Variants in TENM3 observed in about 807,000 individuals in gnomAD.
TENM3 encodes teneurin transmembrane protein 3, also known as teneurin-3.
In TENM3, 63 loss-of-function variants were observed where a neutral mutation model predicts 255.1. The ratio of observed to expected loss-of-function variants is 0.25; its 90% CI spans 0.20 to 0.30. The LOEUF is 0.30. TENM3 is among the 10% of genes least tolerant of loss of function. TENM3 has a pLI of 1.00. For synonymous variants in TENM3, 1,306 were observed against 1,322.3 expected, an observed-to-expected ratio of 0.99 and a Z score of 0.27; for missense variants, 2,929 against 3,461.1, an observed-to-expected ratio of 0.85 and a Z score of 3.86.
At chr4:182,410,262 G>A (rs1769892967) in intron 3 of TENM3, among the ~76,000 whole-genome samples, 1 of 152,238 alleles carries the variant, frequency 6.6e-6, no homozygotes, top group South Asian at 2.1e-4. Flanking sequence ...TGGTAATGTG[G>A]TTAAGTGTAT....
the TENM3 span, among the ~76,000 whole-genome samples, chr4:181,643,671 A>G: frequency 5.3e-5 from 8 of 152,190 alleles, no homozygotes; most frequent in Admixed American, 5.2e-4. Flanking sequence ...GTCAAGGGTC[A>G]ATAATTACAA....
intron 12 of TENM3, among the ~76,000 whole-genome samples, chr4:182,705,984 G>A (rs530573715): frequency 3.9e-5 from 6 of 152,078 alleles, no homozygotes; most frequent in Non-Finnish European, 5.9e-5. Flanking sequence ...TTTATGAAGC[G>A]GTGTCATCAG....
At chr4:182,346,612 T>C (rs1764829127) in intron 2 of TENM3, 39 bp from the exon 3 acceptor site, 2 of 1,533,224 alleles carry the variant, frequency 1.3e-6, no homozygotes, top group Non-Finnish European at 1.8e-6. Flanking sequence ...ACACTGAACA[T>C]ATACTCACTA....
chr4:182,155,556 G>A (rs1364822702), intron 1 of TENM3, among the ~76,000 whole-genome samples: 1 of 151,992 alleles, frequency 6.6e-6, no homozygotes, highest in African/African-American at 2.4e-5. Flanking sequence ...ATTATTGAAG[G>A]CTTCATCAAG....
chr4:182,679,854 G>C lies in TENM3; in HGVS notation c.1515G>C (p.Val505=). 1 of 1,611,648 alleles carries C rather than the reference G, an allele frequency of 6.2e-7. No individual in the cohort carries two copies. The highest frequency in any genetic ancestry group is 8.5e-7 in the Non-Finnish European group (1 of 1,178,670). ...ATGATGGGAAAAATGCAGAGCAGGT[G>C]TCTTTTAATACCATTGTTATAGGTA... The part of the protein sequence containing the change: ...FYNDGKNAEQ[V]SFNTIVIESV... The change falls in exon 8 of 28, where the codon GTG becomes GTC. Residue 505 remains valine (V), a synonymous_variant. Coordinates refer to ENST00000511685, the MANE Select transcript of TENM3 (RefSeq NM_001080477.4).
chr4:181,922,688 C>A, the TENM3 span, among the ~76,000 whole-genome samples: 1 of 151,814 alleles, frequency 6.6e-6, no homozygotes, highest in Non-Finnish European at 1.5e-5. Flanking sequence ...AAAACCAGCT[C>A]CTGGATTCAT....
intron 3 of TENM3, among the ~76,000 whole-genome samples, chr4:182,552,288 G>GA (rs932987551): frequency 7.9e-5 from 12 of 152,028 alleles, no homozygotes; most frequent in Admixed American, 3.9e-4. Flanking sequence ...CTCTACAAAA[G>GA]AAAAAAAGTT....
At position 182,370,420 on chromosome 4, in the gene TENM3, T is replaced by C. The variant is rs73869954; in HGVS notation, c.511+23491T>C. The stretch of plus-strand genomic sequence containing the variant: ...TGGTATTCAGGAAGAAATTTTTTGA[T>C]GAATACCTTACCATACCTAGCAAGC... On this transcript the variant is annotated intron_variant, in intron 3 of 27. Transcript: ENST00000511685. Among the ~76,000 whole-genome samples, 806 of 152,328 alleles carry C rather than the reference T, an allele frequency of 5.3e-3. 6 individuals are homozygous for C. The highest frequency in any genetic ancestry group is 0.018 in the African/African-American group (740 of 41,578).
chr4:181,658,525 C>T, the TENM3 span, among the ~76,000 whole-genome samples: 250 of 152,284 alleles, frequency 1.6e-3, 3 homozygotes, highest in South Asian at 8.7e-3. Flanking sequence ...CTCCCACCTC[C>T]ACCACAACTA....
chr4:181,784,339 C>G, the TENM3 span, among the ~76,000 whole-genome samples: 1 of 152,018 alleles, frequency 6.6e-6, no homozygotes, highest in Non-Finnish European at 1.5e-5. Flanking sequence ...TATCTCTACT[C>G]TCCTCGATAT....
At chr4:182,766,685 G>A (rs2152779814) in intron 22 of TENM3, among the ~76,000 whole-genome samples, 1 of 152,266 alleles carries the variant, frequency 6.6e-6, no homozygotes, top group South Asian at 2.1e-4. Context: ...GAGGAGTGGG[G>A]GAGGCTCTGC....
At chr4:182,156,031 T>G in intron 1 of TENM3, among the ~76,000 whole-genome samples, 1 of 105,046 alleles carries the variant, frequency 9.5e-6, no homozygotes, top group East Asian at 2.9e-4. Context: ...TTTTTTTTTT[T>G]GCAAATGTAA....
the TENM3 span, chr4:182,084,883 C>T: frequency 2.0e-5 from 3 of 152,114 alleles, no homozygotes; most frequent in South Asian, 6.2e-4. Flanking sequence ...CCATAAATTC[C>T]TCCATTAAAC....
chr4:181,761,374 T>C, the TENM3 span, among the ~76,000 whole-genome samples: 1 of 152,136 alleles, frequency 6.6e-6, no homozygotes, highest in African/African-American at 2.4e-5. Flanking sequence ...ACTGTGCAGC[T>C]ACTTAGGTCA....
At chr4:181,894,108 C>T in the TENM3 span, among the ~76,000 whole-genome samples, 1 of 151,944 alleles carries the variant, frequency 6.6e-6, no homozygotes, top group Admixed American at 6.6e-5. Flanking sequence ...AGAATGTCAC[C>T]AGCTATGAGG....
chr4:182,135,154 C>T, the TENM3 span, among the ~76,000 whole-genome samples: 1 of 137,630 alleles, frequency 7.3e-6, no homozygotes, highest in Non-Finnish European at 1.5e-5. Context: ...TGCAGTGAGC[C>T]GAGATCACAC....
the TENM3 span, among the ~76,000 whole-genome samples, chr4:182,130,919 C>T: frequency 1.3e-5 from 2 of 151,970 alleles, no homozygotes; most frequent in Non-Finnish European, 2.9e-5. Context: ...CTCTTAATAT[C>T]TTAAGAGAAG....
chr4:182,560,103 G>T (rs1043499120), intron 3 of TENM3, among the ~76,000 whole-genome samples: 5 of 138,776 alleles, frequency 3.6e-5, no homozygotes, highest in Non-Finnish European at 7.8e-5. Context: ...TTTAAAAAAA[G>T]AGTAACTATC....
chr4:182,637,013 T>A (rs1751902189), intron 5 of TENM3, among the ~76,000 whole-genome samples: 1 of 152,232 alleles, frequency 6.6e-6, no homozygotes, highest in African/African-American at 2.4e-5. Flanking sequence ...CATAAATATT[T>A]AATTGGTGTT....
Sources: gnomAD v4.1 joint callset for allele counts (sites outside exome capture counted in the v4.1 genomes callset) on GRCh38, gnomAD v4.1.1 for gene constraint, MANE v1.5 for transcripts, NCBI Gene and HGNC (gene_info 2026-07-23, HGNC 2026-07-21) for gene names.